The following MMD variants were observed in gnomAD, a reference collection of about 807,000 sequenced individuals.
The protein encoded by MMD is monocyte to macrophage differentiation associated, also known as monocyte to macrophage differentiation factor.
In MMD, 22 loss-of-function variants were observed where a neutral mutation model predicts 33.6. The observed-to-expected ratio is 0.66, with a 90% CI of 0.47 to 0.94. The LOEUF is 0.94. Ranked by LOEUF, MMD falls within the 40% of genes least tolerant of loss-of-function variation. The probability of loss-of-function intolerance (pLI) is 0.00; values close to 1 mark genes in which losing one functional copy is unlikely to be tolerated. For missense variants in MMD, 242 were observed against 309.8 expected, an observed-to-expected ratio of 0.78 and a Z score of 1.64; for synonymous variants, 97 against 103.2, an observed-to-expected ratio of 0.94 and a Z score of 0.36.
chr17:55,409,833 G>A (rs1907693281), intron 3 of MMD, among the ~76,000 whole-genome samples: 1 of 152,140 alleles, frequency 6.6e-6, no homozygotes, highest in Non-Finnish European at 1.5e-5. Context: ...ACAACCACAA[G>A]CACTAAATTG....
chr17:55,394,575 C>G, intron 6 of MMD, 41 bp from the exon 7 acceptor site: 1 of 1,360,478 alleles, frequency 7.4e-7, no homozygotes. Flanking sequence ...TTTGATGTTA[C>G]TCTGCATGGC....
chr17:55,413,611 G>T (rs1907849262), intron 2 of MMD, among the ~76,000 whole-genome samples: 1 of 152,022 alleles, frequency 6.6e-6, no homozygotes, highest in Non-Finnish European at 1.5e-5. Flanking sequence ...TTACAAAGCA[G>T]AAAAAAATTA....
At chr17:55,396,203 C>A (rs1366102756) in intron 6 of MMD, among the ~76,000 whole-genome samples, 6 of 151,782 alleles carry the variant, frequency 4.0e-5, no homozygotes, top group Admixed American at 1.3e-4. Flanking sequence ...ATTTTTTTTT[C>A]ATTATCATTA....
intron 1 of MMD, 62 bp from the exon 2 acceptor site, chr17:55,414,294 A>T: frequency 6.8e-7 from 1 of 1,472,198 alleles, no homozygotes; most frequent in Non-Finnish European, 9.5e-7. Context: ...CAATGAGGAA[A>T]CCCACCAGTG....
intron 1 of MMD, among the ~76,000 whole-genome samples, chr17:55,417,885 C>T (rs1471169971): frequency 6.6e-6 from 1 of 152,152 alleles, no homozygotes; most frequent in Non-Finnish European, 1.5e-5. Context: ...AAAGTGCTTA[C>T]GATAGCACTG....
chr17:55,410,492 G>T (rs558609591), intron 3 of MMD, among the ~76,000 whole-genome samples: 1 of 152,312 alleles, frequency 6.6e-6, no homozygotes, highest in African/African-American at 2.4e-5. Context: ...CCTAAATGGT[G>T]TGGTGCTCCA....
chr17:55,406,223 C>T (rs576258391), intron 4 of MMD, among the ~76,000 whole-genome samples: 9 of 152,060 alleles, frequency 5.9e-5, no homozygotes, highest in South Asian at 4.2e-4. Context: ...GGCGAAACCT[C>T]GTCTCTACTA....
chr17:55,402,737 A>G lies in MMD; in HGVS notation c.446+1030T>C, dbSNP rs564919027. ...CTTCCTATTTTATCCAAGGATATAA[A>G]TAAGAGATTTGAGTCCAAGAAGCAA... On this transcript the variant is annotated intron_variant, in intron 5 of 6. Transcript: ENST00000262065. 5.9e-5 allele frequency among the ~76,000 whole-genome samples: 9 copies of G among 152,372 alleles called. 1 individual carries two copies. The Middle Eastern group carries it at 0.01, about 173-fold the overall frequency.
At chr17:55,420,646 A>C (rs1908147983) in intron 1 of MMD, 1 of 152,196 alleles carries the variant, frequency 6.6e-6, no homozygotes, top group South Asian at 2.1e-4. Context: ...AAAACTCAAC[A>C]ACCTTCTTGG....
chr17:55,395,639 A>C (rs1907070682), intron 6 of MMD, among the ~76,000 whole-genome samples: 2 of 152,206 alleles, frequency 1.3e-5, no homozygotes, highest in Admixed American at 1.3e-4. Context: ...TTCAAAGTTC[A>C]CAGAAGCCCC....
intron 3 of MMD, among the ~76,000 whole-genome samples, chr17:55,409,123 T>G (rs1907665504): frequency 6.6e-6 from 1 of 152,216 alleles, no homozygotes; most frequent in Non-Finnish European, 1.5e-5. Context: ...GGTTTCAGTC[T>G]ACTAGTCATC....
chr17:55,414,246 AAG>A lies in MMD; in HGVS notation c.27-16_27-15del, dbSNP rs1907875934. On this transcript the variant is annotated splice_polypyrimidine_tract_variant and intron_variant, in intron 1 of 6. Coordinates refer to ENST00000262065, the MANE Select transcript of MMD (RefSeq NM_012329.3). The stretch of plus-strand genomic sequence containing the variant: ...TGGTTCATGAACCTGTAAAAACAAA[AAG>A]AACACATGTAAGAAAAACTCAAAGT... The A allele has an allele frequency of 5.0e-6, 8 of 1,612,960 alleles. No individual in the cohort carries two copies. The highest frequency in any genetic ancestry group is 5.9e-6 in the Non-Finnish European group (7 of 1,179,220).
intron 6 of MMD, among the ~76,000 whole-genome samples, chr17:55,398,816 A>G (rs922235400): frequency 6.6e-6 from 1 of 152,170 alleles, no homozygotes; most frequent in African/African-American, 2.4e-5. Context: ...TGGGATGTCC[A>G]GCACCATCTC....
chr17:55,403,707 T>G, intron 5 of MMD, 60 bp downstream of exon 5: 1 of 1,196,912 alleles, frequency 8.4e-7, no homozygotes, highest in Non-Finnish European at 1.2e-6. Context: ...TGTATTGCAG[T>G]GCAGATAATA....
intron 5 of MMD, among the ~76,000 whole-genome samples, chr17:55,402,716 C>G (rs572812290): frequency 2.0e-5 from 3 of 152,242 alleles, no homozygotes; most frequent in African/African-American, 4.8e-5. Flanking sequence ...TCTTGACTTC[C>G]TATTTTATCC....
intron 6 of MMD, 54 bp from the exon 7 acceptor site, chr17:55,394,588 G>A (rs1229022216): frequency 1.5e-6 from 2 of 1,309,098 alleles, no homozygotes; most frequent in Admixed American, 3.6e-5. Context: ...TGCATGGCAA[G>A]CTACAGATAA....
intron 4 of MMD, among the ~76,000 whole-genome samples, 172 bp downstream of exon 4, chr17:55,407,574 A>T (rs1224870789): frequency 6.6e-6 from 1 of 152,100 alleles, no homozygotes. Flanking sequence ...ATGCAATCTG[A>T]CCCAAGTACA....
chr17:55,416,900 C>T (rs1346628210), intron 1 of MMD, among the ~76,000 whole-genome samples: 1 of 152,154 alleles, frequency 6.6e-6, no homozygotes, highest in Non-Finnish European at 1.5e-5. Flanking sequence ...AATAAAGCTA[C>T]TAGTTAGGCA....
Position 55,393,744 on chromosome 17 carries a change from T to G in MMD, c.*590A>C, listed in dbSNP as rs4476230. 0.3 allele frequency: 46,412 copies of G among 152,522 alleles called. 8,682 individuals carry two copies. Among genetic ancestry groups the G allele is most frequent in the Non-Finnish European group, 0.42 (28,410 of 67,972 alleles). 9.4% of individuals were successfully genotyped at this position (152,522 alleles called of 1,614,324 possible). ...CTATCAGAAGAGGTATAATGTTTGTTCGTTTGTGGAATGTTGACTGCTTGC... is the reference window on the plus strand; with the variant it reads ...CTATCAGAAGAGGTATAATGTTTGTGCGTTTGTGGAATGTTGACTGCTTGC... On this transcript the variant is annotated 3_prime_UTR_variant, in exon 7 of 7. Coordinates refer to ENST00000262065, the MANE Select transcript of MMD (RefSeq NM_012329.3).
Sources: allele counts gnomAD v4.1 joint callset (sites outside exome capture counted in the v4.1 genomes callset), GRCh38; gene constraint gnomAD v4.1.1; transcripts MANE v1.5; gene names NCBI Gene and HGNC (gene_info 2026-07-23, HGNC 2026-07-21).